Variants in ZNF335 observed in about 807,000 individuals in gnomAD.
ZNF335 encodes zinc finger protein 335.
A neutral mutation model predicts 145.6 loss-of-function variants in ZNF335; 84 were observed. The observed-to-expected ratio is 0.58, with a 90% CI of 0.48 to 0.69. The LOEUF is 0.69. Among genes scored for constraint, ZNF335 ranks in the 30% least tolerant of loss-of-function variants. ZNF335 has a pLI of 0.00. For synonymous variants in ZNF335, 761 were observed against 717.0 expected (o/e 1.06, Z -0.98); for missense variants, 1,865 against 1,809.7 (o/e 1.03, Z -0.55).
chr20:45,951,128 G>A (rs2145356725), intron 20 of ZNF335, among the ~76,000 whole-genome samples: 1 of 152,352 alleles, frequency 6.6e-6, no homozygotes, highest in African/African-American at 2.4e-5. Flanking sequence ...CCGACCTCAG[G>A]TGATCCGCCT....
Position 45,965,786 on chromosome 20 carries a change from A to G in ZNF335, c.956-12T>C. 1 of 1,595,844 alleles carries G rather than the reference A, an allele frequency of 6.3e-7. No homozygotes were observed. The highest frequency in any genetic ancestry group is 8.5e-7 in the Non-Finnish European group (1 of 1,171,760). On this transcript the variant is annotated splice_polypyrimidine_tract_variant and intron_variant, in intron 6 of 27. Coordinates refer to ENST00000322927, the MANE Select transcript of ZNF335 (RefSeq NM_022095.4). ...ATAGTCGCTATCCTCTGTGGGGGAC[A>G]GTAAAGTTGGTGAACAGTGAGTGGC...
Position 45,952,230 on chromosome 20 carries a change from T to G in ZNF335, c.3106A>C (p.Ser1036Arg), listed in dbSNP as rs746315904. The G allele has an allele frequency of 6.2e-7, 1 of 1,613,216 alleles. No individual in the cohort carries two copies. The highest frequency in any genetic ancestry group is 1.1e-5 in the South Asian group (1 of 91,082). ...GGCCCAGCGTGGGCCCGCTTGTGAC[T>G]CTCCATCTCAGCTCGGCCAGGGAAG... ...EAFPGRAEMESHKRAHAGPGA... is the reference protein window; with the variant it reads ...EAFPGRAEMERHKRAHAGPGA... Residue 1036 changes from serine to arginine, a missense_variant, in exon 20 of 28, where the codon AGT becomes CGT. Physicochemically the swap from Ser to Arg is moderately radical, Grantham distance 110. Transcript: ENST00000322927.
chr20:45,959,135 G>T, intron 15 of ZNF335, 66 bp downstream of exon 15: 1 of 1,238,294 alleles, frequency 8.1e-7, no homozygotes, highest in Non-Finnish European at 1.1e-6. Context: ...ATCTCAATGT[G>T]CAAATGATGC....
In ZNF335 at chr20:45,960,695, CCA is replaced by C. The variant is rs2083826179; in HGVS notation, c.1701_1702del (p.Cys567TrpfsTer20). ...TCTTTTCTGCATGGGGTACACACGG[CCA>C]CACACAGGGCAGGGGAAAGAGCTCA... is the stretch of plus-strand genomic sequence containing the variant. On this transcript the variant is annotated frameshift_variant, in exon 12 of 28. Coordinates refer to ENST00000322927, the MANE Select transcript of ZNF335 (RefSeq NM_022095.4). LOFTEE classifies it high-confidence loss of function. The C allele has an allele frequency of 1.2e-6, 2 of 1,613,950 alleles. No individual in the cohort carries two copies. The highest frequency in any genetic ancestry group is 1.7e-5 in the Admixed American group (1 of 59,982).
rs748388616 is a variant in ZNF335 at position 45,965,666 on chromosome 20, C to A, written c.1064G>T (p.Arg355Leu). Reference sequence around the variant, plus strand: ...TGAGATCTCCAGGCGGGGCAGCTTCCGGGGCCGGCCAGGTCTCCTTCGGGG... The same window carrying A: ...TGAGATCTCCAGGCGGGGCAGCTTCAGGGGCCGGCCAGGTCTCCTTCGGGG... ...PRPRRRPGRPRKLPRLEISDL... is the reference protein window; with the variant it reads ...PRPRRRPGRPLKLPRLEISDL... Residue 355 changes from arginine to leucine, a missense_variant, in exon 7 of 28, where the codon CGG becomes CTG. Physicochemically the swap from Arg to Leu is moderately radical, Grantham distance 102 (BLOSUM62 -2). Coordinates refer to ENST00000322927, the MANE Select transcript of ZNF335 (RefSeq NM_022095.4). The A allele has an allele frequency of 8.1e-6, 13 of 1,598,406 alleles. No individual in the cohort carries two copies. The East Asian group carries it at 2.3e-4, about 28-fold the overall frequency.
intron 1 of ZNF335, 128 bp downstream of exon 1, chr20:45,971,994 G>A (rs1435718455): frequency 8.4e-7 from 1 of 1,190,136 alleles, no homozygotes; most frequent in Non-Finnish European, 1.1e-6. Flanking sequence ...CGACTAAAGG[G>A]CCTGGGACCC....
chr20:45,954,650 A>G (rs1454621620), intron 17 of ZNF335, among the ~76,000 whole-genome samples: 2 of 152,198 alleles, frequency 1.3e-5, no homozygotes, highest in Admixed American at 1.3e-4. Flanking sequence ...CTGCAAAGCA[A>G]TAACTAAAAG....
chr20:45,963,818 G>A lies in ZNF335; in HGVS notation c.1275C>T (p.Pro425=), dbSNP rs1423145813. The change falls in exon 8 of 28, where the codon CCC becomes CCT. Residue 425 remains proline (P), a synonymous_variant. Transcript: ENST00000322927. ...GAGTGTCATGCTCATCCGGGCAGGA[G>A]GGGGCTGCGTTCTCTGCATCTGACT... ...VSQSDAENAA[P]SCPDEHDTLP... is the part of the protein sequence containing the mutation. 1 of 1,614,022 alleles carries A rather than the reference G, an allele frequency of 6.2e-7. No homozygotes were observed. The highest frequency in any genetic ancestry group is 1.3e-5 in the African/African-American group (1 of 74,942).
At chr20:45,968,461 C>T (rs1459422472) in intron 3 of ZNF335, 99 bp from the exon 4 acceptor site, 1 of 1,117,800 alleles carries the variant, frequency 8.9e-7, no homozygotes, top group African/African-American at 1.5e-5. Context: ...CAGGGCTGGT[C>T]CACACTCATT....
At position 45,960,740 on chromosome 20, in the gene ZNF335, GGC is replaced by G. The variant is rs758775136; in HGVS notation, c.1666-10_1666-9del. 6.2e-7 allele frequency: 1 copy of G among 1,613,426 alleles called. No homozygotes were observed. The highest frequency in any genetic ancestry group is 2.2e-5 in the East Asian group (1 of 44,858). The stretch of plus-strand genomic sequence containing the variant: ...AGAGCTCAGCTTTGGAGTCTAGGAA[GGC>G]ATAAGAAGGGGCCAGATGGAGAAAG... On this transcript the variant is annotated splice_polypyrimidine_tract_variant and intron_variant, in intron 11 of 27. Coordinates refer to ENST00000322927, the MANE Select transcript of ZNF335 (RefSeq NM_022095.4).
intron 20 of ZNF335, 72 bp downstream of exon 20, chr20:45,952,075 C>T (rs1277734380): frequency 1.3e-6 from 2 of 1,517,678 alleles, no homozygotes; most frequent in East Asian, 4.6e-5. Flanking sequence ...AAAGGGCACT[C>T]ATTAAAGGTT....
At chr20:45,964,386 C>CGA (rs140658745) in intron 7 of ZNF335, 249 of 176,864 alleles carry the variant, frequency 1.4e-3, no homozygotes, top group African/African-American at 5.3e-3. Flanking sequence ...ACAGAACAAT[C>CGA]TAAGGCTCGG....
intron 7 of ZNF335, among the ~76,000 whole-genome samples, chr20:45,965,330 T>C (rs2083931333): frequency 6.6e-6 from 1 of 152,056 alleles, no homozygotes; most frequent in South Asian, 2.1e-4. Context: ...TCTCTTCTCA[T>C]TTCAGTAATA....
In ZNF335 at chr20:45,949,097, A is replaced by C; in HGVS notation, c.3902-17T>G. The stretch of plus-strand genomic sequence containing the variant: ...CAGCCACTGCTGCCAGGGGAGGGGA[A>C]AGTATGGTGAGCTGGAGGCTCAAGA... On this transcript the variant is annotated splice_polypyrimidine_tract_variant and intron_variant, in intron 27 of 27. Coordinates refer to ENST00000322927, the MANE Select transcript of ZNF335 (RefSeq NM_022095.4). 1 of 1,613,610 alleles carries C rather than the reference A, an allele frequency of 6.2e-7. No individual in the cohort carries two copies. Among genetic ancestry groups the C allele is most frequent in the Non-Finnish European group, 8.5e-7 (1 of 1,179,974 alleles).
At chr20:45,971,849 G>T in intron 1 of ZNF335, 1 of 984,242 alleles carries the variant, frequency 1.0e-6, no homozygotes, top group Admixed American at 6.1e-5. Flanking sequence ...GCTCCCCCCC[G>T]GTTCCCCTGC....
chr20:45,965,231 C>T (rs912205195), intron 7 of ZNF335, among the ~76,000 whole-genome samples: 1 of 152,058 alleles, frequency 6.6e-6, no homozygotes, highest in Non-Finnish European at 1.5e-5. Flanking sequence ...AGAGCTGGTG[C>T]TCACACCACG....
At position 45,971,788 on chromosome 20, in the gene ZNF335, C is replaced by G. The variant is rs938077831; in HGVS notation, c.-50-328G>C. 3.0e-6 allele frequency: 3 copies of G among 985,234 alleles called. No individual in the cohort carries two copies. The African/African-American group carries it at 5.2e-5, about 17-fold the overall frequency. 61.0% of individuals were successfully genotyped at this position (985,234 alleles called of 1,614,324 possible). A position where few individuals can be genotyped will look rare whatever the true frequency, so the allele number is the denominator to read the frequency against. On this transcript the variant is annotated intron_variant, in intron 1 of 27. Coordinates refer to ENST00000322927, the MANE Select transcript of ZNF335 (RefSeq NM_022095.4). Reference sequence around the variant, plus strand: ...CAGCCCTTCGGCCCCCGCGTCCCCCCGGGTTGCAGGGCCGGTGGTACAGCC... The same window carrying G: ...CAGCCCTTCGGCCCCCGCGTCCCCCGGGGTTGCAGGGCCGGTGGTACAGCC...
At chr20:45,968,751 C>G (rs1600550895) in intron 3 of ZNF335, 1 of 210,056 alleles carries the variant, frequency 4.8e-6, no homozygotes, top group Non-Finnish European at 9.8e-6. Context: ...GTGCTATAGC[C>G]TCTATAAATA....
rs527700402 is a variant in ZNF335, at chr20:45,971,505, C to A, written c.-50-45G>T. 4.3e-4 allele frequency: 659 copies of A among 1,531,996 alleles called. No individual in the cohort carries two copies. The African/African-American group carries it at 7.2e-3, about 17-fold the overall frequency. The allele number at this position is 1,531,996 out of a possible 1,614,324, so 94.9% of individuals were successfully genotyped here. ...TGGCTGGAACAAGTGGGCCATCTCC[C>A]CAGCCCCGGCAACCACGGCCACCCA... On this transcript the variant is annotated intron_variant, in intron 1 of 27. Transcript: ENST00000322927.
Sources: allele counts gnomAD v4.1 joint callset (sites outside exome capture counted in the v4.1 genomes callset), GRCh38; gene constraint gnomAD v4.1.1; transcripts MANE v1.5; gene names NCBI Gene and HGNC (gene_info 2026-07-23, HGNC 2026-07-21).